The following DDR2 variants were observed in gnomAD, a reference collection of about 807,000 sequenced individuals.
DDR2 encodes the protein discoidin domain receptor tyrosine kinase 2.
In DDR2, 27 loss-of-function variants were observed where a neutral mutation model predicts 94.9. The ratio of observed to expected loss-of-function variants is 0.28; its 90% confidence interval spans 0.21 to 0.39. The LOEUF (loss-of-function observed/expected upper bound fraction) is 0.39, where lower values mean the gene tolerates loss of function less well. DDR2 is among the 10% of genes least tolerant of loss of function. DDR2 has a pLI of 1.00. For missense variants in DDR2, 783 were observed against 1,076.0 expected, an observed-to-expected ratio of 0.73 and a Z score of 3.81; for synonymous variants, 382 against 377.2, an observed-to-expected ratio of 1.01 and a Z score of -0.15.
intron 7 of DDR2, among the ~76,000 whole-genome samples, chr1:162,756,428 A>C (rs931268261): frequency 1.3e-5 from 2 of 152,222 alleles, no homozygotes; most frequent in African/African-American, 4.8e-5. Flanking sequence ...GTGACCAGAT[A>C]TAGTAGGAAC....
At chr1:162,681,105 G>A (rs1659377927) in intron 2 of DDR2, among the ~76,000 whole-genome samples, 1 of 152,154 alleles carries the variant, frequency 6.6e-6, no homozygotes, top group Non-Finnish European at 1.5e-5. Context: ...TTTGCTGGAT[G>A]ACCTTGAGAC....
intron 15 of DDR2, 59 bp from the exon 16 acceptor site, chr1:162,776,077 A>G: frequency 6.8e-7 from 1 of 1,471,468 alleles, no homozygotes; most frequent in South Asian, 1.1e-5. Flanking sequence ...TAGAATGTGT[A>G]CCTTTCACAT....
In DDR2 at chr1:162,755,145, T is replaced by A; in HGVS notation, c.418-11T>A. 6.2e-7 allele frequency: 1 copy of A among 1,614,070 alleles called. No individual in the cohort carries two copies. Among genetic ancestry groups the A allele is most frequent in the Non-Finnish European group, 8.5e-7 (1 of 1,179,984 alleles). On this transcript the variant is annotated splice_polypyrimidine_tract_variant and intron_variant, in intron 5 of 17. Coordinates refer to ENST00000367921, the MANE Select transcript of DDR2 (RefSeq NM_006182.4). The stretch of plus-strand genomic sequence containing the variant: ...TACCACCTCTTCACTCATTCTCTTC[T>A]CTCTCCTCAGGTGCTGGATGGAAAT...
intron 9 of DDR2, among the ~76,000 whole-genome samples, chr1:162,763,639 T>C (rs1282524864): frequency 6.6e-6 from 1 of 152,108 alleles, no homozygotes; most frequent in Admixed American, 6.5e-5. Flanking sequence ...AATCAACCAT[T>C]TCAAGAAATC....
chr1:162,664,591 G>T (rs915042852), intron 2 of DDR2, among the ~76,000 whole-genome samples: 2 of 152,028 alleles, frequency 1.3e-5, no homozygotes, highest in African/African-American at 4.8e-5. Context: ...CAAGATAAAA[G>T]TCACAATGTA....
chr1:162,707,513 G>A (rs1338440553), intron 2 of DDR2, among the ~76,000 whole-genome samples: 1 of 152,074 alleles, frequency 6.6e-6, no homozygotes, highest in Admixed American at 6.6e-5. Context: ...ATTCATCCAG[G>A]TCCACTTATA....
At chr1:162,697,894 G>T (rs1342962440) in intron 2 of DDR2, among the ~76,000 whole-genome samples, 1 of 152,166 alleles carries the variant, frequency 6.6e-6, no homozygotes, top group Non-Finnish European at 1.5e-5. Context: ...AGAGCTTGTG[G>T]CTCAACCACT....
At chr1:162,765,961 G>C in intron 9 of DDR2, 40 bp from the exon 10 acceptor site, 1 of 1,607,752 alleles carries the variant, frequency 6.2e-7, no homozygotes, top group Non-Finnish European at 8.5e-7. Context: ...CTAGCTGTCT[G>C]TCTTCTCCCT....
intron 2 of DDR2, among the ~76,000 whole-genome samples, chr1:162,660,416 C>T (rs1270138916): frequency 6.6e-6 from 1 of 152,050 alleles, no homozygotes; most frequent in African/African-American, 2.4e-5. Flanking sequence ...TAAAATAGAT[C>T]TTTACTATCT....
At chr1:162,701,939 A>G (rs941819086) in intron 2 of DDR2, among the ~76,000 whole-genome samples, 2 of 152,194 alleles carry the variant, frequency 1.3e-5, no homozygotes, top group Non-Finnish European at 2.9e-5. Flanking sequence ...AAGGTCTTTC[A>G]GTAAATCCCC....
In DDR2 at chr1:162,776,514, T is replaced by C; in HGVS notation, c.2283+144T>C. The stretch of plus-strand genomic sequence containing the variant: ...CTGATTTGAAATTATTTTCTTTGTG[T>C]ACTAATTCTTATTATTTAATGCTTG... On this transcript the variant is annotated intron_variant, in intron 16 of 17. Coordinates refer to ENST00000367921, the MANE Select transcript of DDR2 (RefSeq NM_006182.4). The C allele has an allele frequency of 5.4e-6, 4 of 739,196 alleles. No homozygotes were observed. In the South Asian group the frequency reaches 7.6e-5, roughly 14 times the overall value. The allele number at this position is 739,196 out of a possible 1,614,324, so 45.8% of individuals were successfully genotyped here.
intron 3 of DDR2, among the ~76,000 whole-genome samples, chr1:162,744,883 G>A (rs2102098017): frequency 6.6e-6 from 1 of 152,286 alleles, no homozygotes; most frequent in Middle Eastern, 3.4e-3. Flanking sequence ...GGGACTGCTG[G>A]AGCATATGGT....
At chr1:162,636,271 T>TGAGC (rs1336545350) in intron 1 of DDR2, among the ~76,000 whole-genome samples, 1 of 152,238 alleles carries the variant, frequency 6.6e-6, no homozygotes, top group African/African-American at 2.4e-5. Flanking sequence ...AGGTCAGTTT[T>TGAGC]GAGCCAGCCC....
intron 16 of DDR2, among the ~76,000 whole-genome samples, chr1:162,776,892 G>A (rs1370142496): frequency 1.3e-5 from 2 of 151,932 alleles, no homozygotes; most frequent in Non-Finnish European, 2.9e-5. Context: ...TCTATTAGAG[G>A]TATATTTTCT....
intron 4 of DDR2, among the ~76,000 whole-genome samples, chr1:162,753,782 T>A (rs1663329093): frequency 6.6e-6 from 1 of 152,202 alleles, no homozygotes; most frequent in South Asian, 2.1e-4. Context: ...AACTCCCTAC[T>A]GCTCTACTGG....
In DDR2 at chr1:162,736,330, A is replaced by C. The variant is rs146506360; in HGVS notation, c.83-16765A>C. On this transcript the variant is annotated intron_variant, in intron 3 of 17. Coordinates refer to ENST00000367921, the MANE Select transcript of DDR2 (RefSeq NM_006182.4). ...GCTTTCCACATGAAGAAACAGACCG[A>C]AAGAGAGCCAGGAGCTTGCTCAGAT... 2.4e-3 allele frequency among the ~76,000 whole-genome samples: 367 copies of C among 152,376 alleles called. 3 individuals carry two copies. The highest frequency in any genetic ancestry group is 8.4e-3 in the African/African-American group (350 of 41,590).
At chr1:162,698,100 T>C (rs1187041630) in intron 2 of DDR2, among the ~76,000 whole-genome samples, 9 of 152,246 alleles carry the variant, frequency 5.9e-5, no homozygotes, top group African/African-American at 2.2e-4. Context: ...TATCTGCTTA[T>C]CTATCTGCAG....
intron 3 of DDR2, among the ~76,000 whole-genome samples, chr1:162,731,760 A>G (rs1198063656): frequency 3.9e-5 from 6 of 152,240 alleles, no homozygotes; most frequent in African/African-American, 1.4e-4. Context: ...TGTATACATT[A>G]TGTTAACCTT....
At chr1:162,721,748 A>G (rs1661432606) in intron 3 of DDR2, among the ~76,000 whole-genome samples, 1 of 152,216 alleles carries the variant, frequency 6.6e-6, no homozygotes, top group African/African-American at 2.4e-5. Context: ...CAGAATGGCC[A>G]CATGATATAA....
Sources: allele counts gnomAD v4.1 joint callset (sites outside exome capture counted in the v4.1 genomes callset), GRCh38; gene constraint gnomAD v4.1.1; transcripts MANE v1.5; gene names NCBI Gene and HGNC (gene_info 2026-07-23, HGNC 2026-07-21).